The following NTNG1 variants were observed in gnomAD, a reference collection of about 807,000 sequenced individuals.
NTNG1 encodes netrin G1, also known as netrin-G1.
In NTNG1, 16 loss-of-function variants were observed where a neutral mutation model predicts 54.0. The ratio of observed to expected loss-of-function variants is 0.30; its 90% CI spans 0.20 to 0.45. NTNG1 has a LOEUF of 0.45. Among genes scored for constraint, NTNG1 ranks in the 20% least tolerant of loss-of-function variants. NTNG1 has a pLI of 1.00. For synonymous variants in NTNG1, 255 were observed against 263.1 expected (o/e 0.97, Z 0.30); for missense variants, 530 against 678.7 (o/e 0.78, Z 2.43).
chr1:107,376,279 G>A (rs1280634987), intron 3 of NTNG1, among the ~76,000 whole-genome samples: 2 of 151,996 alleles, frequency 1.3e-5, no homozygotes, highest in Non-Finnish European at 2.9e-5. Context: ...GCGGTGGCGG[G>A]CGCCTGTAGT....
chr1:107,281,876 C>T (rs1664884417), intron 2 of NTNG1, among the ~76,000 whole-genome samples: 1 of 152,048 alleles, frequency 6.6e-6, no homozygotes, highest in African/African-American at 2.4e-5. Context: ...AGTATAATGA[C>T]TCACATTTTG....
chr1:107,392,245 G>A (rs1040299628), intron 3 of NTNG1, among the ~76,000 whole-genome samples: 1 of 152,052 alleles, frequency 6.6e-6, no homozygotes, highest in African/African-American at 2.4e-5. Context: ...ACCCCAGTGG[G>A]TAACAGAGAA....
At chr1:107,478,658 A>G (rs75878637) in intron 7 of NTNG1, among the ~76,000 whole-genome samples, 6,844 of 152,340 alleles carry the variant, frequency 0.045, 173 homozygotes, top group Middle Eastern at 0.071. Flanking sequence ...CCCAAATGAA[A>G]GGAAATATCC....
At chr1:107,393,908 C>T (rs929323224) in intron 3 of NTNG1, among the ~76,000 whole-genome samples, 1 of 152,002 alleles carries the variant, frequency 6.6e-6, no homozygotes, top group Non-Finnish European at 1.5e-5. Context: ...TGGCATTTGG[C>T]CCAAGAGAAA....
intron 3 of NTNG1, among the ~76,000 whole-genome samples, chr1:107,355,686 A>G (rs1018339580): frequency 1.3e-5 from 2 of 152,174 alleles, no homozygotes; most frequent in Admixed American, 1.3e-4. Context: ...ATGTGCATAT[A>G]TAAACAGACA....
chr1:107,144,334 G>A (rs1653950899), intron 1 of NTNG1, among the ~76,000 whole-genome samples: 1 of 151,930 alleles, frequency 6.6e-6, no homozygotes, highest in Non-Finnish European at 1.5e-5. Flanking sequence ...ATGTGAATGA[G>A]GAATGAGTCA....
At chr1:107,347,611 G>A (rs912318852) in intron 3 of NTNG1, among the ~76,000 whole-genome samples, 16 of 152,144 alleles carry the variant, frequency 1.1e-4, no homozygotes, top group African/African-American at 3.9e-4. Flanking sequence ...GTACATACAT[G>A]GTAAGAATTG....
Position 107,399,298 on chromosome 1 carries a change from T to A in NTNG1, c.1060+3972T>A, listed in dbSNP as rs894605317. Among the ~76,000 whole-genome samples, 18 of 152,298 alleles carry A rather than the reference T, an allele frequency of 1.2e-4. No individual in the cohort carries two copies. The South Asian group carries it at 2.1e-3, about 18-fold the overall frequency. On this transcript the variant is annotated intron_variant, in intron 4 of 7. Transcript: ENST00000370068. ...GTTTCTTGCAGCCTAGCCATAGAAATGTCATGGAGATAGACAGAAAACTGA... is the reference window on the plus strand; with the variant it reads ...GTTTCTTGCAGCCTAGCCATAGAAAAGTCATGGAGATAGACAGAAAACTGA...
intron 2 of NTNG1, among the ~76,000 whole-genome samples, chr1:107,231,373 T>C (rs973848194): frequency 6.6e-6 from 1 of 152,192 alleles, no homozygotes; most frequent in Non-Finnish European, 1.5e-5. Flanking sequence ...TGGAGCTAAG[T>C]AGCCTGACTT....
At chr1:107,224,528 T>C (rs552928402) in intron 2 of NTNG1, among the ~76,000 whole-genome samples, 1 of 152,230 alleles carries the variant, frequency 6.6e-6, no homozygotes, top group East Asian at 1.9e-4. Context: ...CCTTCCCCAC[T>C]CAGGGAACTC....
At chr1:107,294,110 A>T (rs904627988) in intron 2 of NTNG1, among the ~76,000 whole-genome samples, 3 of 152,218 alleles carry the variant, frequency 2.0e-5, no homozygotes, top group Admixed American at 1.3e-4. Context: ...AGCATCCTGG[A>T]CGAGGAGGTG....
At chr1:107,468,244 A>G in intron 7 of NTNG1, among the ~76,000 whole-genome samples, 1 of 152,116 alleles carries the variant, frequency 6.6e-6, no homozygotes, top group East Asian at 1.9e-4. Flanking sequence ...CCAAGTATGT[A>G]TAGGAAAAAT....
Position 107,376,594 on chromosome 1 carries a change from C to G in NTNG1, c.888-18560C>G, listed in dbSNP as rs377738701. ...ACCCACTCTGCCGTGCCACCTTATG[C>G]CCAGGCTCCCTCAACTTTAGAATTT... On this transcript the variant is annotated intron_variant, in intron 3 of 7. Transcript: ENST00000370068. 4.1e-4 allele frequency among the ~76,000 whole-genome samples: 63 copies of G among 152,290 alleles called. 1 individual carries two copies. The South Asian group carries it at 0.012, about 30-fold the overall frequency.
Position 107,210,530 on chromosome 1 carries a change from A to G in NTNG1, c.246+61691A>G, listed in dbSNP as rs555578937. Among the ~76,000 whole-genome samples, 192 of 152,308 alleles carry G rather than the reference A, an allele frequency of 1.3e-3. 2 individuals are homozygous for G. The highest frequency in any genetic ancestry group is 4.6e-3 in the African/African-American group (190 of 41,576). The stretch of plus-strand genomic sequence containing the variant: ...TGGAGGGAAGTTGAGGCATTTGCCC[A>G]TTGTGCCTGGCAGCTCAGGCTATCC... On this transcript the variant is annotated intron_variant, in intron 2 of 7. Coordinates refer to ENST00000370068, the MANE Select transcript of NTNG1 (RefSeq NM_001113226.3).
chr1:107,312,879 A>G (rs1206226859), intron 2 of NTNG1, among the ~76,000 whole-genome samples: 7 of 152,310 alleles, frequency 4.6e-5, no homozygotes, highest in Non-Finnish European at 7.3e-5. Flanking sequence ...GATGCATACA[A>G]TAGAAATACC....
rs925549333 is a variant in NTNG1 at position 107,420,907 on chromosome 1, C to A, written c.1088-9843C>A. 3.3e-5 allele frequency among the ~76,000 whole-genome samples: 5 copies of A among 152,078 alleles called. No homozygotes were observed. The East Asian group carries it at 9.7e-4, about 29-fold the overall frequency. On this transcript the variant is annotated intron_variant, in intron 5 of 7. Transcript: ENST00000370068. ...AAATTGTATTACTGACAATGTTGAA[C>A]CATTTTCAGCCAAATACAAGCCTTA...
At chr1:107,303,831 C>T (rs753782183) in intron 2 of NTNG1, among the ~76,000 whole-genome samples, 21 of 151,994 alleles carry the variant, frequency 1.4e-4, no homozygotes, top group Admixed American at 8.5e-4. Flanking sequence ...GGACTACAGG[C>T]GCACGCCACC....
chr1:107,221,642 G>A (rs965418280), intron 2 of NTNG1, among the ~76,000 whole-genome samples: 1 of 152,192 alleles, frequency 6.6e-6, no homozygotes, highest in East Asian at 1.9e-4. Context: ...GTACATGAGA[G>A]CTGGAGGTGG....
rs770287664 is a variant in NTNG1, at chr1:107,480,697, A to G, written c.1477A>G (p.Thr493Ala). Residue 493 changes from threonine to alanine, a missense_variant, in exon 8 of 8, where the codon ACG (threonine) becomes GCG (alanine). Coordinates refer to ENST00000370068, the MANE Select transcript of NTNG1 (RefSeq NM_001113226.3). ...GCGCTGCCTGTGCCCGGCCGCATAC[A>G]CGGGCATCCTCTGCGAGAAGCTGCG... ...NVRCLCPAAY[T>A]GILCEKLRCE... 3 of 1,611,080 alleles carry G rather than the reference A, an allele frequency of 1.9e-6. No individual in the cohort carries two copies. Among genetic ancestry groups the G allele is most frequent in the Non-Finnish European group, 1.7e-6 (2 of 1,179,322 alleles).
Sources: allele counts gnomAD v4.1 joint callset (sites outside exome capture counted in the v4.1 genomes callset), GRCh38; gene constraint gnomAD v4.1.1; transcripts MANE v1.5; gene names NCBI Gene and HGNC (gene_info 2026-07-23, HGNC 2026-07-21).